Variants in SRPK2 observed in about 807,000 individuals in gnomAD.
The protein encoded by SRPK2 is SFRS protein kinase 2.
In SRPK2, 21 loss-of-function variants were observed where a neutral mutation model predicts 90.8. The observed-to-expected ratio is 0.23, with a 90% CI of 0.16 to 0.33. The LOEUF is 0.33. Ranked by LOEUF, SRPK2 falls within the 10% of genes least tolerant of loss-of-function variation. The pLI is 1.00. For synonymous variants in SRPK2, 288 were observed against 311.1 expected (o/e 0.93, Z 0.78); for missense variants, 620 against 869.0 (o/e 0.71, Z 3.60).
chr7:105,223,836 G>A (rs781348439), intron 2 of SRPK2, among the ~76,000 whole-genome samples: 20 of 152,160 alleles, frequency 1.3e-4, no homozygotes, highest in African/African-American at 4.1e-4. Context: ...TGCTTCATGC[G>A]GTAAAAGTAT....
At chr7:105,152,813 A>C (rs532943541) in intron 7 of SRPK2, among the ~76,000 whole-genome samples, 19 of 152,240 alleles carry the variant, frequency 1.2e-4, no homozygotes, top group African/African-American at 4.1e-4. Context: ...AAATGGGCGG[A>C]TCACAAGGTC....
At chr7:105,244,647 C>G in intron 2 of SRPK2, 1 of 814,858 alleles carries the variant, frequency 1.2e-6, no homozygotes, top group Middle Eastern at 3.4e-4. Flanking sequence ...TGGAGAGCAG[C>G]AGCCCTGGCT....
At chr7:105,178,926 C>T (rs914807021) in intron 3 of SRPK2, among the ~76,000 whole-genome samples, 1 of 152,088 alleles carries the variant, frequency 6.6e-6, no homozygotes, top group African/African-American at 2.4e-5. Flanking sequence ...ACATTCACCA[C>T]AGAAGAAACA....
intron 2 of SRPK2, among the ~76,000 whole-genome samples, chr7:105,346,875 A>AC (rs11379669): frequency 6.6e-6 from 1 of 150,618 alleles, no homozygotes; most frequent in Non-Finnish European, 1.5e-5. Context: ...AAAAAAAAAA[A>AC]CTTTATTCAC....
chr7:105,208,924 C>T (rs1796526207), intron 2 of SRPK2, among the ~76,000 whole-genome samples: 1 of 151,970 alleles, frequency 6.6e-6, no homozygotes, highest in African/African-American at 2.4e-5. Flanking sequence ...GAGTTTGAGG[C>T]CAGCCTGGGC....
chr7:105,200,501 C>T (rs969298203), intron 3 of SRPK2, among the ~76,000 whole-genome samples: 4 of 151,790 alleles, frequency 2.6e-5, no homozygotes, highest in South Asian at 2.1e-4. Context: ...AAAGTCAGCC[C>T]GGGGTGGCGG....
At chr7:105,305,034 A>T (rs1810992070) in intron 2 of SRPK2, among the ~76,000 whole-genome samples, 1 of 152,226 alleles carries the variant, frequency 6.6e-6, no homozygotes, top group Non-Finnish European at 1.5e-5. Flanking sequence ...CTAGAACCAC[A>T]GCAATAAATA....
intron 2 of SRPK2, among the ~76,000 whole-genome samples, chr7:105,360,200 G>A (rs182838965): frequency 3.3e-5 from 5 of 151,898 alleles, no homozygotes; most frequent in Middle Eastern, 3.4e-3. Context: ...CTAGGATCTC[G>A]ACCCCTGCTT....
chr7:105,186,092 T>C (rs796208679), intron 3 of SRPK2, among the ~76,000 whole-genome samples: 3 of 152,370 alleles, frequency 2.0e-5, no homozygotes, highest in African/African-American at 7.2e-5. Flanking sequence ...AAAGGTTTCA[T>C]CTTGATTTAT....
chr7:105,304,063 A>G (rs1563216234), intron 2 of SRPK2, among the ~76,000 whole-genome samples: 1 of 152,378 alleles, frequency 6.6e-6, no homozygotes, highest in South Asian at 2.1e-4. Flanking sequence ...GAAAACATCC[A>G]TCTCAAAATC....
chr7:105,211,779 T>C (rs947556369), intron 2 of SRPK2, among the ~76,000 whole-genome samples: 2 of 152,162 alleles, frequency 1.3e-5, no homozygotes, highest in Non-Finnish European at 2.9e-5. Context: ...TAGCAAACAA[T>C]TGTAATTCCA....
At chr7:105,323,044 C>T (rs1585703487) in intron 2 of SRPK2, among the ~76,000 whole-genome samples, 1 of 152,002 alleles carries the variant, frequency 6.6e-6, no homozygotes. Context: ...ACTAAAAATA[C>T]AAAAGTCAGC....
chr7:105,209,070 A>G (rs1244314603), intron 2 of SRPK2, among the ~76,000 whole-genome samples: 3 of 152,256 alleles, frequency 2.0e-5, no homozygotes, highest in African/African-American at 7.2e-5. Context: ...AGAAACAAAT[A>G]TCTATGTAGA....
intron 2 of SRPK2, among the ~76,000 whole-genome samples, chr7:105,269,567 C>T (rs1805553600): frequency 6.6e-6 from 1 of 151,938 alleles, no homozygotes; most frequent in African/African-American, 2.4e-5. Flanking sequence ...ATATATTTGT[C>T]CTTTTAGGAA....
At chr7:105,178,406 A>G (rs903322275) in intron 3 of SRPK2, among the ~76,000 whole-genome samples, 1 of 152,240 alleles carries the variant, frequency 6.6e-6, no homozygotes, top group African/African-American at 2.4e-5. Context: ...ATACAAGTCA[A>G]TCTCTGTTAT....
chr7:105,215,159 T>C (rs187978079), intron 2 of SRPK2, among the ~76,000 whole-genome samples: 1 of 152,174 alleles, frequency 6.6e-6, no homozygotes, highest in Non-Finnish European at 1.5e-5. Flanking sequence ...AGCTAAATTC[T>C]TACCTCCCAC....
chr7:105,293,388 G>A (rs1809327209), intron 2 of SRPK2, among the ~76,000 whole-genome samples: 1 of 152,098 alleles, frequency 6.6e-6, no homozygotes, highest in Non-Finnish European at 1.5e-5. Flanking sequence ...AATTTGGCAA[G>A]ATGTTACATA....
chr7:105,364,645 G>A (rs1246061417), intron 2 of SRPK2, among the ~76,000 whole-genome samples: 2 of 151,886 alleles, frequency 1.3e-5, no homozygotes, highest in African/African-American at 4.8e-5. Flanking sequence ...CTCGTGATCC[G>A]CCTGCCTCGG....
At chr7:105,334,555 T>C (rs1814833105) in intron 2 of SRPK2, among the ~76,000 whole-genome samples, 1 of 151,644 alleles carries the variant, frequency 6.6e-6, no homozygotes, top group African/African-American at 2.4e-5. Flanking sequence ...GTATACAGTT[T>C]GGCTGGGCAC....
Sources: gnomAD v4.1 joint callset for allele counts (sites outside exome capture counted in the v4.1 genomes callset) on GRCh38, gnomAD v4.1.1 for gene constraint, MANE v1.5 for transcripts, NCBI Gene and HGNC (gene_info 2026-07-23, HGNC 2026-07-21) for gene names.